The following CD163L1 variants were observed in gnomAD, a reference collection of about 807,000 sequenced individuals.
The protein encoded by CD163L1 is CD163 molecule like 1, also known as scavenger receptor cysteine-rich type 1 protein M160.
A neutral mutation model predicts 165.4 loss-of-function variants in CD163L1; 124 were observed. That is an observed-to-expected ratio of 0.75 (90% CI 0.65 to 0.87). CD163L1 has a LOEUF of 0.87. Ranked by LOEUF, CD163L1 falls within the 40% of genes least tolerant of loss-of-function variation. CD163L1 has a pLI of 0.00. For synonymous variants in CD163L1, 585 were observed against 662.2 expected (o/e 0.88, Z 1.79); for missense variants, 1,525 against 1,799.9 (o/e 0.85, Z 2.76).
chr12:7,381,589 G>A (rs1258390359), intron 8 of CD163L1, among the ~76,000 whole-genome samples: 1 of 152,148 alleles, frequency 6.6e-6, no homozygotes, highest in Non-Finnish European at 1.5e-5. Flanking sequence ...AATCATGTGA[G>A]GGTGGTAGAT....
At chr12:7,427,493 T>C (rs1359843131) in intron 4 of CD163L1, among the ~76,000 whole-genome samples, 1 of 152,156 alleles carries the variant, frequency 6.6e-6, no homozygotes, top group Non-Finnish European at 1.5e-5. Flanking sequence ...TAAATGTTCT[T>C]ACCATCAAAA....
At chr12:7,342,127 T>C (rs1179196300), downstream of CD163L1, among the ~76,000 whole-genome samples, 1 of 152,146 alleles carries the variant, frequency 6.6e-6, no homozygotes, top group East Asian at 1.9e-4. Flanking sequence ...CCCCAAAATC[T>C]GGCCATAAAC....
At chr12:7,320,517 A>T in the CD163L1 span, among the ~76,000 whole-genome samples, 1 of 152,224 alleles carries the variant, frequency 6.6e-6, no homozygotes, top group Admixed American at 6.5e-5. Flanking sequence ...CTGTAATATT[A>T]ATATATATAC....
chr12:7,395,986 A>ATACTTTTAAAT (rs1947764776), intron 8 of CD163L1, 109 bp downstream of exon 8: 1 of 791,936 alleles, frequency 1.3e-6, no homozygotes, highest in Non-Finnish European at 2.0e-6. Flanking sequence ...TAGCTCTAAA[A>ATACTTTTAAAT]AAGTGAGCAA....
intron 3 of CD163L1, 120 bp downstream of exon 3, chr12:7,433,254 A>C (rs1344362387): frequency 5.2e-5 from 42 of 812,922 alleles, no homozygotes; most frequent in South Asian, 1.7e-4. Context: ...GAATATATAA[A>C]ATATTTCCTA....
chr12:7,403,516 C>T lies in CD163L1; in HGVS notation c.1408+19G>A. The T allele has an allele frequency of 1.3e-6, 2 of 1,596,236 alleles. No individual in the cohort carries two copies. Among genetic ancestry groups the T allele is most frequent in the African/African-American group, 1.3e-5 (1 of 74,634 alleles). On this transcript the variant is annotated intron_variant, in intron 6 of 19. Transcript: ENST00000313599. ...CTAAAAATTCAAATGTGTACACTCT[C>T]ATGATCTTTGAACCTTACCAGAACA...
chr12:7,380,564 T>TG (rs997018001), intron 8 of CD163L1, among the ~76,000 whole-genome samples: 3 of 151,754 alleles, frequency 2.0e-5, no homozygotes, highest in Admixed American at 6.6e-5. Context: ...CACTCATAAG[T>TG]GGGGGGCTAA....
chr12:7,437,206 TTTTTA>T (rs1431344586), intron 2 of CD163L1, among the ~76,000 whole-genome samples: 1 of 47,636 alleles, frequency 2.1e-5, no homozygotes, highest in Non-Finnish European at 4.6e-5. Flanking sequence ...TAGTATTACT[TTTTTA>T]TTTTAATAGT....
intron 8 of CD163L1, among the ~76,000 whole-genome samples, chr12:7,383,010 G>A (rs1947444024): frequency 6.6e-6 from 1 of 152,138 alleles, no homozygotes; most frequent in African/African-American, 2.4e-5. Flanking sequence ...CAGAGCCTGA[G>A]AGCCACCTGT....
intron 4 of CD163L1, among the ~76,000 whole-genome samples, chr12:7,348,267 C>T (rs1946683943): frequency 6.6e-6 from 1 of 152,170 alleles, no homozygotes; most frequent in African/African-American, 2.4e-5. Flanking sequence ...TGGCACACAT[C>T]ACAACTGTTC....
chr12:7,417,565 T>A (rs1948271183), intron 4 of CD163L1, among the ~76,000 whole-genome samples: 1 of 152,174 alleles, frequency 6.6e-6, no homozygotes, highest in Non-Finnish European at 1.5e-5. Context: ...AAATAGCTCT[T>A]ATTATTTTGA....
the CD163L1 span, among the ~76,000 whole-genome samples, chr12:7,336,940 C>T: frequency 1.3e-5 from 2 of 152,074 alleles, no homozygotes; most frequent in Admixed American, 1.3e-4. Flanking sequence ...GCTACAGTAA[C>T]CAAAATAGCA....
intron 8 of CD163L1, among the ~76,000 whole-genome samples, chr12:7,388,743 C>CAAAA (rs146990548): frequency 1.1e-5 from 1 of 91,582 alleles, no homozygotes. Flanking sequence ...GATCCAGTTT[C>CAAAA]AAAAAAAAAA....
rs1311670518 is a variant in CD163L1, at chr12:7,374,279, A to C, written c.3409+163T>G. Among the ~76,000 whole-genome samples, 1 of 152,216 alleles carries C rather than the reference A, an allele frequency of 6.6e-6. No homozygotes were observed. Among genetic ancestry groups the C allele is most frequent in the East Asian group, 1.9e-4 (1 of 5,204 alleles). On this transcript the variant is annotated intron_variant, in intron 13 of 19. Coordinates refer to ENST00000313599, the MANE Select transcript of CD163L1 (RefSeq NM_174941.6). The surrounding 1 kb of genome is among the most constrained non-coding windows in gnomAD (Gnocchi z 5.4). Reference sequence around the variant, plus strand: ...ATACCCAGACAAATGTAATATGACAAGGGTATTAAGAAATCAGTATAAGAG... The same window carrying C: ...ATACCCAGACAAATGTAATATGACACGGGTATTAAGAAATCAGTATAAGAG...
chr12:7,331,151 C>T, the CD163L1 span, among the ~76,000 whole-genome samples: 1 of 152,252 alleles, frequency 6.6e-6, no homozygotes, highest in Non-Finnish European at 1.5e-5. Flanking sequence ...CCACACCTGG[C>T]TCAGAGGGTC....
rs1259828160 is a variant in CD163L1 at position 7,369,013 on chromosome 12, T to G, written c.4040-48A>C. 1 of 1,588,226 alleles carries G rather than the reference T, an allele frequency of 6.3e-7. No homozygotes were observed. Among genetic ancestry groups the G allele is most frequent in the Non-Finnish European group, 8.6e-7 (1 of 1,160,424 alleles). ...GAGACGTAAATGAACGAAAAGGAAC[T>G]GGGTATTTCTTTTTACATCTCCTGC... On this transcript the variant is annotated intron_variant, in intron 15 of 19. Coordinates refer to ENST00000313599, the MANE Select transcript of CD163L1 (RefSeq NM_174941.6). This position sits in a 1 kb window ranked among gnomAD's most constrained non-coding sequence, Gnocchi z 4.9.
downstream of CD163L1, among the ~76,000 whole-genome samples, chr12:7,342,768 G>A (rs1388508643): frequency 1.3e-5 from 2 of 152,088 alleles, no homozygotes; most frequent in Non-Finnish European, 2.9e-5. Context: ...CAAGTAGCTG[G>A]GACTACAGGC....
chr12:7,430,607 T>C (rs916768045), intron 4 of CD163L1, among the ~76,000 whole-genome samples: 14 of 152,150 alleles, frequency 9.2e-5, no homozygotes, highest in African/African-American at 3.4e-4. Flanking sequence ...TATTAGCATA[T>C]TTGAGAGAAG....
chr12:7,386,604 CAAA>C (rs71067187), intron 8 of CD163L1, among the ~76,000 whole-genome samples: 5 of 117,498 alleles, frequency 4.3e-5, no homozygotes, highest in African/African-American at 6.4e-5. Flanking sequence ...GTCAACATAT[CAAA>C]AAAAAAAAAA....
Sources: gnomAD v4.1 joint callset for allele counts (sites outside exome capture counted in the v4.1 genomes callset) on GRCh38, gnomAD v4.1.1 for gene constraint, Gnocchi (gnomAD v3.1) non-coding constraint, MANE v1.5 for transcripts, NCBI Gene and HGNC (gene_info 2026-07-23, HGNC 2026-07-21) for gene names.